The following SEMA3A variants were observed in gnomAD, a reference collection of about 807,000 sequenced individuals.
SEMA3A encodes the protein semaphorin-3A.
Under a neutral mutation model 97.9 loss-of-function variants are expected in SEMA3A, and 29 were observed. The observed-to-expected ratio is 0.30, with a 90% CI of 0.22 to 0.40. The LOEUF (loss-of-function observed/expected upper bound fraction) is 0.40. SEMA3A is among the 10% of genes least tolerant of loss of function. SEMA3A has a pLI of 1.00. For synonymous variants in SEMA3A, 321 were observed against 323.7 expected (o/e 0.99, Z 0.09); for missense variants, 763 against 951.3 (o/e 0.80, Z 2.60).
At chr7:84,049,762 G>GT (rs1792525572) in intron 5 of SEMA3A, among the ~76,000 whole-genome samples, 1 of 150,102 alleles carries the variant, frequency 6.7e-6, no homozygotes, top group Non-Finnish European at 1.5e-5. Flanking sequence ...TGTGCACAAT[G>GT]TGCAGGTTAG....
At position 84,185,647 on chromosome 7, in the gene SEMA3A, C is replaced by A. The variant is rs528649969; in HGVS notation, c.112+8828G>T. Among the ~76,000 whole-genome samples the A allele has an allele frequency of 1.4e-4, 20 of 139,972 alleles. No individual in the cohort carries two copies. The South Asian group carries it at 4.4e-3, about 31-fold the overall frequency. The allele number at this position is 139,972 out of a possible 152,430, so 91.8% of individuals were successfully genotyped here. A position where few individuals can be genotyped will look rare whatever the true frequency, so the allele number is the denominator to read the frequency against. On this transcript the variant is annotated intron_variant, in intron 1 of 16. Coordinates refer to ENST00000265362, the MANE Select transcript of SEMA3A (RefSeq NM_006080.3). ...TGGAGGTTACAGTGAGCAGAGATCACGCCATTGCACTCCAGCCTGGGTGAC... is the reference window on the plus strand; with the variant it reads ...TGGAGGTTACAGTGAGCAGAGATCAAGCCATTGCACTCCAGCCTGGGTGAC...
rs538049998 is a variant in SEMA3A at position 84,481,901 on chromosome 7, A to G, written c.-246+10559T>C. Among the ~76,000 whole-genome samples the G allele has an allele frequency of 7.9e-5, 12 of 151,886 alleles. No individual in the cohort carries two copies. The South Asian group carries it at 2.1e-3, about 26-fold the overall frequency. ...TAATGAGGATATTTAATTACTCAAG[A>G]GTAGTTTATTAATTTAGTCATGATT... On this transcript the variant is annotated intron_variant, in intron 1 of 3. Transcript: ENST00000424555.
intron 3 of SEMA3A, among the ~76,000 whole-genome samples, chr7:84,303,568 T>C (rs763940247): frequency 1.3e-5 from 2 of 151,838 alleles, no homozygotes; most frequent in Non-Finnish European, 2.9e-5. Context: ...AAAAAGGTAT[T>C]AGTTTGTTAA....
At chr7:84,399,212 A>T (rs1329578900) in intron 1 of SEMA3A, among the ~76,000 whole-genome samples, 3 of 152,196 alleles carry the variant, frequency 2.0e-5, no homozygotes, top group African/African-American at 7.2e-5. Context: ...AAATTCTGCC[A>T]GTGCCCACAG....
chr7:84,150,398 CGAA>C (rs1379547116), intron 1 of SEMA3A, among the ~76,000 whole-genome samples: 4 of 152,136 alleles, frequency 2.6e-5, no homozygotes, highest in African/African-American at 9.7e-5. Context: ...GTGCGCGAGC[CGAA>C]GCAGGGCGAG....
chr7:84,150,817 C>T (rs1303985331), intron 1 of SEMA3A, among the ~76,000 whole-genome samples: 3 of 151,992 alleles, frequency 2.0e-5, no homozygotes, highest in Non-Finnish European at 4.4e-5. Flanking sequence ...ACAGCAGTAA[C>T]CTCTGCAGAC....
At chr7:84,369,591 G>T (rs1476481359) in intron 2 of SEMA3A, among the ~76,000 whole-genome samples, 1 of 150,698 alleles carries the variant, frequency 6.6e-6, no homozygotes. Flanking sequence ...GACCAGGAAA[G>T]ACAACACATT....
At chr7:84,467,625 G>T (rs1176107416) in intron 1 of SEMA3A, among the ~76,000 whole-genome samples, 4 of 149,558 alleles carry the variant, frequency 2.7e-5, no homozygotes, top group Non-Finnish European at 5.9e-5. Flanking sequence ...ATTTCTTTAT[G>T]ATCTTGCCTG....
At chr7:84,047,879 C>G (rs1048784241) in intron 5 of SEMA3A, among the ~76,000 whole-genome samples, 1 of 151,776 alleles carries the variant, frequency 6.6e-6, no homozygotes, top group Non-Finnish European at 1.5e-5. Flanking sequence ...CATAGTGGCC[C>G]ACACCAAAGC....
At chr7:84,183,054 T>C (rs1351137260) in intron 1 of SEMA3A, among the ~76,000 whole-genome samples, 1 of 152,186 alleles carries the variant, frequency 6.6e-6, no homozygotes, top group Non-Finnish European at 1.5e-5. Flanking sequence ...AACCTAGGCA[T>C]TACTAATCTG....
intron 1 of SEMA3A, among the ~76,000 whole-genome samples, chr7:84,373,361 A>G (rs1011248291): frequency 2.0e-5 from 3 of 152,208 alleles, no homozygotes; most frequent in Non-Finnish European, 4.4e-5. Context: ...CTACTTCATC[A>G]GCGTTACATG....
chr7:84,052,477 G>A (rs1390214451), intron 5 of SEMA3A, among the ~76,000 whole-genome samples: 2 of 151,932 alleles, frequency 1.3e-5, no homozygotes, highest in Non-Finnish European at 2.9e-5. Flanking sequence ...CATTTCTTCT[G>A]GATTTTCTAG....
intron 6 of SEMA3A, among the ~76,000 whole-genome samples, chr7:84,042,509 C>T (rs1413776243): frequency 6.6e-6 from 1 of 152,034 alleles, no homozygotes; most frequent in Non-Finnish European, 1.5e-5. Context: ...TCAGGCCAAG[C>T]TTCCTAAGCG....
intron 1 of SEMA3A, among the ~76,000 whole-genome samples, chr7:84,410,758 A>AATGTC (rs1188267711): frequency 6.6e-6 from 1 of 152,132 alleles, no homozygotes; most frequent in Non-Finnish European, 1.5e-5. Flanking sequence ...TTAACACGGA[A>AATGTC]ATGTCAAATT....
At chr7:84,178,930 A>G (rs892413914) in intron 1 of SEMA3A, among the ~76,000 whole-genome samples, 76 of 152,230 alleles carry the variant, frequency 5.0e-4, no homozygotes, top group African/African-American at 1.7e-3. Context: ...CTTCAGCTAG[A>G]ATGTTCTCCA....
At chr7:84,021,574 CT>C in intron 6 of SEMA3A, among the ~76,000 whole-genome samples, 1 of 152,322 alleles carries the variant, frequency 6.6e-6, no homozygotes, top group South Asian at 2.1e-4. Context: ...ACACACAAAC[CT>C]TTCCCTGGCA....
chr7:84,062,375 G>C (rs889221084), intron 4 of SEMA3A, among the ~76,000 whole-genome samples: 3 of 152,046 alleles, frequency 2.0e-5, no homozygotes, highest in Non-Finnish European at 4.4e-5. Context: ...GAAATACCCA[G>C]ATATATGTGT....
chr7:84,063,671 G>A (rs201324193), intron 4 of SEMA3A, among the ~76,000 whole-genome samples: 24 of 151,672 alleles, frequency 1.6e-4, no homozygotes, highest in East Asian at 9.8e-4. Flanking sequence ...GGGTATCAGC[G>A]ATGGAAGATG....
chr7:84,162,583 ATTTTTT>A (rs67315788), intron 1 of SEMA3A, among the ~76,000 whole-genome samples: 109 of 151,412 alleles, frequency 7.2e-4, no homozygotes, highest in Non-Finnish European at 1.2e-3. Flanking sequence ...CATATCCTCA[ATTTTTT>A]TTTAAAAAAA....
Sources: gnomAD v4.1 joint callset for allele counts (sites outside exome capture counted in the v4.1 genomes callset) on GRCh38, gnomAD v4.1.1 for gene constraint, MANE v1.5 for transcripts, NCBI Gene and HGNC (gene_info 2026-07-23, HGNC 2026-07-21) for gene names.